Variants in GMDS observed in about 807,000 individuals in gnomAD.
The protein encoded by GMDS is GDP-mannose 4,6 dehydratase.
Under a neutral mutation model 49.9 loss-of-function variants are expected in GMDS, and 20 were observed. The ratio of observed to expected loss-of-function variants is 0.40; its 90% CI spans 0.28 to 0.58. The LOEUF is 0.58. Ranked by LOEUF, GMDS falls within the 20% of genes least tolerant of loss-of-function variation. The pLI is 0.42. For missense variants in GMDS, 362 were observed against 481.4 expected (o/e 0.75, Z 2.32); for synonymous variants, 177 against 178.6 (o/e 0.99, Z 0.07).
rs980585196 is a variant in GMDS at position 2,212,725 on chromosome 6, A to C, written c.102+32596T>G. Among the ~76,000 whole-genome samples, 18 of 151,714 alleles carry C rather than the reference A, an allele frequency of 1.2e-4. No homozygotes were observed. In the South Asian group the frequency reaches 2.7e-3, roughly 23 times the overall value. ...TAACTTGTAAAAAAAAAAAAAAAAAAAAAACTAAATTAGAAACATTGAGCT... is the reference window on the plus strand; with the variant it reads ...TAACTTGTAAAAAAAAAAAAAAAAACAAAACTAAATTAGAAACATTGAGCT... On this transcript the variant is annotated intron_variant, in intron 1 of 10. Transcript: ENST00000380815.
At chr6:1,718,661 A>T (rs1292953133) in intron 9 of GMDS, among the ~76,000 whole-genome samples, 1 of 151,852 alleles carries the variant, frequency 6.6e-6, no homozygotes, top group African/African-American at 2.4e-5. Context: ...ATCTATCTTT[A>T]AATTTCTTGG....
intron 4 of GMDS, among the ~76,000 whole-genome samples, chr6:1,962,987 CT>C (rs1263862079): frequency 1.3e-5 from 2 of 150,478 alleles, no homozygotes; most frequent in Non-Finnish European, 2.9e-5. Context: ...AGTGATTTTC[CT>C]GCCTCAGCCT....
At chr6:1,651,065 G>GC (rs965174759) in intron 9 of GMDS, among the ~76,000 whole-genome samples, 6 of 152,218 alleles carry the variant, frequency 3.9e-5, no homozygotes, top group Non-Finnish European at 7.3e-5. Context: ...CCTGGGCCCT[G>GC]CATGGGAGGA....
intron 2 of GMDS, among the ~76,000 whole-genome samples, chr6:2,123,998 A>G (rs1349220618): frequency 6.6e-6 from 1 of 152,036 alleles, no homozygotes; most frequent in Non-Finnish European, 1.5e-5. Context: ...TATTAATGTA[A>G]ACATTCATAA....
At chr6:2,008,854 G>A (rs111634015) in intron 4 of GMDS, among the ~76,000 whole-genome samples, 19 of 152,150 alleles carry the variant, frequency 1.2e-4, no homozygotes, top group East Asian at 1.9e-4. Context: ...TAGCAGGTAC[G>A]TAACATACCT....
chr6:1,935,822 G>A (rs535268710), intron 6 of GMDS, among the ~76,000 whole-genome samples: 8 of 152,336 alleles, frequency 5.3e-5, no homozygotes, highest in African/African-American at 1.7e-4. Flanking sequence ...ACGCAATGCA[G>A]TAGACAACAA....
At chr6:2,213,120 G>A (rs1780149720) in intron 1 of GMDS, among the ~76,000 whole-genome samples, 1 of 152,066 alleles carries the variant, frequency 6.6e-6, no homozygotes, top group Non-Finnish European at 1.5e-5. Context: ...GCTGATCTCT[G>A]TCCACAGTAT....
chr6:1,778,584 G>T lies in GMDS; in HGVS notation c.772-35998C>A, dbSNP rs1768936610. ...CCATAAAACAGAAATTTAGCCCAAT[G>T]TCTCGAACTGCAGGATTAGAGTAAC... On this transcript the variant is annotated intron_variant, in intron 7 of 10. Coordinates refer to ENST00000380815, the MANE Select transcript of GMDS (RefSeq NM_001500.4). This position sits in a 1 kb window ranked among gnomAD's most constrained non-coding sequence, Gnocchi z 4.6. Among the ~76,000 whole-genome samples, 1 of 152,176 alleles carries T rather than the reference G, an allele frequency of 6.6e-6. No individual in the cohort carries two copies. Among genetic ancestry groups the T allele is most frequent in the Admixed American group, 6.5e-5 (1 of 15,284 alleles).
At position 2,245,543 on chromosome 6, in the gene GMDS, A is replaced by G; in HGVS notation, c.-121T>C. The G allele has an allele frequency of 2.0e-6, 1 of 488,246 alleles. No individual in the cohort carries two copies. The highest frequency in any genetic ancestry group is 3.3e-6 in the Non-Finnish European group (1 of 301,030). The allele number at this position is 488,246 out of a possible 1,614,324, so 30.2% of individuals were successfully genotyped here. A position where few individuals can be genotyped will look rare whatever the true frequency, so the allele number is the denominator to read the frequency against. On this transcript the variant is annotated 5_prime_UTR_variant, in exon 1 of 11. Transcript: ENST00000380815. ...CTCTCCAGGCTGCGGGCAGGGAGGG[A>G]GAGCGCACCGCGCGACCGGCCGCCA...
intron 7 of GMDS, among the ~76,000 whole-genome samples, chr6:1,894,208 T>C (rs1383497224): frequency 1.3e-5 from 2 of 152,250 alleles, no homozygotes; most frequent in South Asian, 4.1e-4. Context: ...CCTAATGCTT[T>C]AATTGATTGC....
intron 4 of GMDS, among the ~76,000 whole-genome samples, chr6:2,000,510 T>C (rs958888192): frequency 6.6e-6 from 1 of 152,194 alleles, no homozygotes; most frequent in Non-Finnish European, 1.5e-5. Flanking sequence ...ATTACCTATT[T>C]TGGACATTTC....
chr6:1,805,545 T>TA (rs1770138644), intron 7 of GMDS, among the ~76,000 whole-genome samples: 3 of 152,186 alleles, frequency 2.0e-5, no homozygotes. Context: ...ACTAGAACCA[T>TA]ACTTCTTTGG....
intron 7 of GMDS, among the ~76,000 whole-genome samples, chr6:1,774,218 A>G (rs1231721194): frequency 4.6e-5 from 7 of 152,264 alleles, no homozygotes; most frequent in Admixed American, 4.6e-4. Context: ...GCTGCAGAAT[A>G]AAGGACAGTA....
intron 7 of GMDS, among the ~76,000 whole-genome samples, chr6:1,906,769 C>T (rs1332526300): frequency 6.6e-6 from 1 of 152,128 alleles, no homozygotes; most frequent in East Asian, 1.9e-4. Context: ...AGGAGCTCTC[C>T]CATCTGGGAG....
intron 7 of GMDS, among the ~76,000 whole-genome samples, chr6:1,853,157 T>C (rs1048583196): frequency 6.6e-6 from 1 of 152,000 alleles, no homozygotes; most frequent in Non-Finnish European, 1.5e-5. Context: ...CTGAAAAGTA[T>C]CTGAGACATG....
At chr6:1,771,772 A>G (rs564860463) in intron 7 of GMDS, among the ~76,000 whole-genome samples, 3 of 152,358 alleles carry the variant, frequency 2.0e-5, no homozygotes, top group Non-Finnish European at 4.4e-5. Flanking sequence ...ACAATATCTG[A>G]TATGTCCAGC....
At chr6:1,938,663 G>A (rs1762662226) in intron 6 of GMDS, among the ~76,000 whole-genome samples, 5 of 151,700 alleles carry the variant, frequency 3.3e-5, no homozygotes, top group Admixed American at 2.6e-4. Context: ...TTCTGCTTGG[G>A]GTCCATGGTG....
At chr6:1,958,430 G>A (rs538757668) in intron 6 of GMDS, among the ~76,000 whole-genome samples, 1 of 152,214 alleles carries the variant, frequency 6.6e-6, no homozygotes, top group Non-Finnish European at 1.5e-5. Flanking sequence ...ACCACATGCT[G>A]CAGGCAACCA....
At chr6:1,656,605 A>T (rs1763889397) in intron 9 of GMDS, among the ~76,000 whole-genome samples, 1 of 152,170 alleles carries the variant, frequency 6.6e-6, no homozygotes, top group South Asian at 2.1e-4. Context: ...CTACTAAAAA[A>T]ATACAAAAAT....
Sources: gnomAD v4.1 joint callset for allele counts (sites outside exome capture counted in the v4.1 genomes callset) on GRCh38, gnomAD v4.1.1 for gene constraint, Gnocchi (gnomAD v3.1) non-coding constraint, MANE v1.5 for transcripts, NCBI Gene and HGNC (gene_info 2026-07-23, HGNC 2026-07-21) for gene names.